Variants in MGAT4A observed in about 807,000 individuals in gnomAD.
MGAT4A encodes N-acetylglucosaminyltransferase IVa.
In MGAT4A, 33 loss-of-function variants were observed where a neutral mutation model predicts 74.1. The ratio of observed to expected loss-of-function variants is 0.45; its 90% CI spans 0.34 to 0.60. The LOEUF (loss-of-function observed/expected upper bound fraction) is 0.60. MGAT4A is among the 20% of genes least tolerant of loss of function. The pLI is 0.02. For missense variants in MGAT4A, 479 were observed against 628.3 expected (o/e 0.76, Z 2.54); for synonymous variants, 198 against 210.4 (o/e 0.94, Z 0.51).
chr2:98,624,954 T>TA lies in MGAT4A; in HGVS notation c.*611dup. ...TAAGAAATCCATCTATAATCAATCTTAAATGGCAGTGCATTTGAAAAATGG... is the reference window on the plus strand; with the variant it reads ...TAAGAAATCCATCTATAATCAATCTTAAAATGGCAGTGCATTTGAAAAATGG... On this transcript the variant is annotated 3_prime_UTR_variant, in exon 16 of 16. Transcript: ENST00000393487. 2 of 985,316 alleles carry TA rather than the reference T, an allele frequency of 2.0e-6. No individual in the cohort carries two copies. The highest frequency in any genetic ancestry group is 2.4e-6 in the Non-Finnish European group (2 of 829,442). The allele number at this position is 985,316 out of a possible 1,614,324, so 61.0% of individuals were successfully genotyped here. A position where few individuals can be genotyped will look rare whatever the true frequency, so the allele number is the denominator to read the frequency against.
In MGAT4A at chr2:98,622,428, CTA is replaced by C; in HGVS notation, c.*3136_*3137del. On this transcript the variant is annotated 3_prime_UTR_variant, in exon 16 of 16. Transcript: ENST00000393487. ...TAAACAGCCCCCATGTGTCTACTGGCTATATGTGTTTTTAAAACTAGTCCCAA... is the reference window on the plus strand; with the variant it reads ...TAAACAGCCCCCATGTGTCTACTGGCTATGTGTTTTTAAAACTAGTCCCAA... 1.0e-6 allele frequency: 1 copy of C among 985,266 alleles called. No homozygotes were observed. Among genetic ancestry groups the C allele is most frequent in the Non-Finnish European group, 1.2e-6 (1 of 829,788 alleles). The allele number at this position is 985,266 out of a possible 1,614,324, so 61.0% of individuals were successfully genotyped here. A position where few individuals can be genotyped will look rare whatever the true frequency, so the allele number is the denominator to read the frequency against.
intron 2 of MGAT4A, among the ~76,000 whole-genome samples, chr2:98,712,090 C>T (rs1702525764): frequency 6.6e-6 from 1 of 152,228 alleles, no homozygotes; most frequent in Non-Finnish European, 1.5e-5. Flanking sequence ...GTCTCCTCCA[C>T]TCTTCTCCAT....
chr2:98,680,389 T>C (rs558322023), intron 2 of MGAT4A, among the ~76,000 whole-genome samples: 7 of 152,168 alleles, frequency 4.6e-5, no homozygotes, highest in African/African-American at 1.7e-4. Flanking sequence ...GTTTTAATCA[T>C]GGATAGAAGC....
At chr2:98,643,556 TC>T (rs2104240326) in intron 10 of MGAT4A, among the ~76,000 whole-genome samples, 1 of 152,154 alleles carries the variant, frequency 6.6e-6, no homozygotes, top group African/African-American at 2.4e-5. Context: ...TCTAATATCG[TC>T]CCCAGTATAC....
At chr2:98,631,847 C>T (rs1311685885) in intron 14 of MGAT4A, among the ~76,000 whole-genome samples, 8 of 152,032 alleles carry the variant, frequency 5.3e-5, no homozygotes, top group South Asian at 2.1e-4. Context: ...ATGGCTGGTG[C>T]GGTGGGTCAC....
In MGAT4A at chr2:98,621,731, C is replaced by T; in HGVS notation, c.*3835G>A. 1 of 1,242,136 alleles carries T rather than the reference C, an allele frequency of 8.1e-7. No homozygotes were observed. 76.9% of individuals were successfully genotyped at this position (1,242,136 alleles called of 1,614,324 possible). A position where few individuals can be genotyped will look rare whatever the true frequency, so the allele number is the denominator to read the frequency against. On this transcript the variant is annotated 3_prime_UTR_variant, in exon 16 of 16. Coordinates refer to ENST00000393487, the MANE Select transcript of MGAT4A (RefSeq NM_012214.3). ...ATAATCTCTCCAAACGTGCTGTTTCCACATAACCAGTCTTTTCTTTGAGGG... is the reference window on the plus strand; with the variant it reads ...ATAATCTCTCCAAACGTGCTGTTTCTACATAACCAGTCTTTTCTTTGAGGG...
intron 14 of MGAT4A, 67 bp downstream of exon 14, chr2:98,635,155 A>T: frequency 8.2e-7 from 1 of 1,217,760 alleles, no homozygotes; most frequent in East Asian, 2.4e-5. Context: ...ACATCTGAAA[A>T]GAACTGAAAA....
At chr2:98,704,661 T>G (rs542877298) in intron 2 of MGAT4A, among the ~76,000 whole-genome samples, 5 of 152,062 alleles carry the variant, frequency 3.3e-5, no homozygotes, top group South Asian at 2.1e-4. Context: ...TCCCAGCTAC[T>G]TGGGAGGCTA....
chr2:98,658,577 C>T (rs191241220), intron 5 of MGAT4A, among the ~76,000 whole-genome samples: 23 of 152,238 alleles, frequency 1.5e-4, no homozygotes, highest in Non-Finnish European at 2.9e-5. Flanking sequence ...GTGACAGATG[C>T]TGCACGATAT....
At chr2:98,651,003 T>A (rs1412114553) in intron 8 of MGAT4A, among the ~76,000 whole-genome samples, 3 of 151,512 alleles carry the variant, frequency 2.0e-5, no homozygotes, top group African/African-American at 7.3e-5. Context: ...AGGTGGAGGT[T>A]GCAGTGAGCT....
chr2:98,622,503 C>A lies in MGAT4A; in HGVS notation c.*3063G>T. 6.1e-6 allele frequency: 6 copies of A among 985,450 alleles called. No individual in the cohort carries two copies. The highest frequency in any genetic ancestry group is 7.2e-6 in the Non-Finnish European group (6 of 829,942). The allele number at this position is 985,450 out of a possible 1,614,324, so 61.0% of individuals were successfully genotyped here. ...CTATTTTGGTAAAATGATTCGGCGCCCTCTCAAGGCAAAGTATTTACCTTC... is the reference window on the plus strand; with the variant it reads ...CTATTTTGGTAAAATGATTCGGCGCACTCTCAAGGCAAAGTATTTACCTTC... On this transcript the variant is annotated 3_prime_UTR_variant, in exon 16 of 16. Transcript: ENST00000393487.
chr2:98,619,778 TTACTAA>T lies in MGAT4A; in HGVS notation c.*5782_*5787del, dbSNP rs1701018705. 6.6e-6 allele frequency: 1 copy of T among 152,226 alleles called. No homozygotes were observed. Among genetic ancestry groups the T allele is most frequent in the African/African-American group, 2.4e-5 (1 of 41,450 alleles). The allele number at this position is 152,226 out of a possible 1,614,324, so 9.4% of individuals were successfully genotyped here. A position where few individuals can be genotyped will look rare whatever the true frequency, so the allele number is the denominator to read the frequency against. On this transcript the variant is annotated 3_prime_UTR_variant, in exon 16 of 16. Transcript: ENST00000393487. ...CCTTGGTTCCAGGACAGTTTGCTAA[TTACTAA>T]TACAATGAAACAACTAGGAGCAAGT...
At chr2:98,628,945 C>T (rs896695843) in intron 14 of MGAT4A, among the ~76,000 whole-genome samples, 1 of 152,218 alleles carries the variant, frequency 6.6e-6, no homozygotes, top group Non-Finnish European at 1.5e-5. Flanking sequence ...GAGAAGCACA[C>T]ACGCACACAC....
intron 2 of MGAT4A, among the ~76,000 whole-genome samples, chr2:98,717,744 C>T (rs989647712): frequency 6.6e-6 from 1 of 152,114 alleles, no homozygotes; most frequent in Non-Finnish European, 1.5e-5. Flanking sequence ...TTTTACTGTT[C>T]TGCAGCTCTC....
At position 98,619,287 on chromosome 2, in the gene MGAT4A, TAA is replaced by T. The variant is rs1701010200; in HGVS notation, c.*6277_*6278del. 6.6e-6 allele frequency: 1 copy of T among 152,500 alleles called. No individual in the cohort carries two copies. Among genetic ancestry groups the T allele is most frequent in the Admixed American group, 6.6e-5 (1 of 15,248 alleles). The allele number at this position is 152,500 out of a possible 1,614,324, so 9.4% of individuals were successfully genotyped here. A position where few individuals can be genotyped will look rare whatever the true frequency, so the allele number is the denominator to read the frequency against. On this transcript the variant is annotated 3_prime_UTR_variant, in exon 16 of 16. Coordinates refer to ENST00000393487, the MANE Select transcript of MGAT4A (RefSeq NM_012214.3). ...AATCTGAAAATAAATAATCTTCCTTTAAAAATCCAACAAGTACCTAAAATATT... is the reference window on the plus strand; with the variant it reads ...AATCTGAAAATAAATAATCTTCCTTTAAATCCAACAAGTACCTAAAATATT...
At chr2:98,661,693 C>T (rs971305950) in intron 5 of MGAT4A, among the ~76,000 whole-genome samples, 1 of 152,102 alleles carries the variant, frequency 6.6e-6, no homozygotes, top group Admixed American at 6.6e-5. Flanking sequence ...CATGTTGATG[C>T]TATAGCAATG....
intron 10 of MGAT4A, among the ~76,000 whole-genome samples, chr2:98,641,575 C>T (rs1426085085): frequency 1.3e-5 from 2 of 149,534 alleles, no homozygotes; most frequent in Admixed American, 6.6e-5. Flanking sequence ...ATGCAGGAGG[C>T]TGAGGCAGGA....
intron 5 of MGAT4A, among the ~76,000 whole-genome samples, chr2:98,659,638 T>C (rs895473218): frequency 6.6e-6 from 1 of 152,212 alleles, no homozygotes; most frequent in African/African-American, 2.4e-5. Context: ...ATAAGGCTTA[T>C]AAGATCTCAT....
intron 9 of MGAT4A, among the ~76,000 whole-genome samples, chr2:98,644,698 AT>A (rs1701460233): frequency 6.6e-6 from 1 of 151,196 alleles, no homozygotes; most frequent in Non-Finnish European, 1.5e-5. Flanking sequence ...CAGGGGCGCG[AT>A]CTCAGCTCAC....
Sources: gnomAD v4.1 joint callset for allele counts (sites outside exome capture counted in the v4.1 genomes callset) on GRCh38, gnomAD v4.1.1 for gene constraint, MANE v1.5 for transcripts, NCBI Gene and HGNC (gene_info 2026-07-23, HGNC 2026-07-21) for gene names.